SLC7A7: variants seen among roughly 807,000 people sequenced by gnomAD.
The protein encoded by SLC7A7 is Y+L amino acid transporter 1.
Under a neutral mutation model 47.9 loss-of-function variants are expected in SLC7A7, and 39 were observed. The observed-to-expected ratio is 0.81, with a 90% CI of 0.63 to 1.06. The LOEUF is 1.06. SLC7A7 is among the 50% of genes least tolerant of loss of function. The probability of loss-of-function intolerance (pLI) is 0.00; values close to 1 mark genes in which losing one functional copy is unlikely to be tolerated. For missense variants in SLC7A7, 588 were observed against 632.0 expected, an observed-to-expected ratio of 0.93 and a Z score of 0.75; for synonymous variants, 234 against 242.8, an observed-to-expected ratio of 0.96 and a Z score of 0.34.
At chr14:22,808,723 T>C (rs2039253176) in intron 2 of SLC7A7, among the ~76,000 whole-genome samples, 1 of 152,244 alleles carries the variant, frequency 6.6e-6, no homozygotes, top group Admixed American at 6.5e-5. Context: ...ATTCTTAGTC[T>C]TGGTTGCCCT....
At chr14:22,779,136 C>G (rs1274426399) in intron 3 of SLC7A7, among the ~76,000 whole-genome samples, 199 bp from the exon 4 acceptor site, 1 of 152,218 alleles carries the variant, frequency 6.6e-6, no homozygotes, top group Admixed American at 6.5e-5. Context: ...TGCCCTGCAT[C>G]CTAATGACAT....
chr14:22,777,173 CG>C (rs1260413100), intron 4 of SLC7A7, among the ~76,000 whole-genome samples: 7 of 139,656 alleles, frequency 5.0e-5, no homozygotes, highest in South Asian at 2.3e-4. Context: ...AAAAGCAGGG[CG>C]GGGGGGATTA....
chr14:22,776,035 T>G (rs2038598560), intron 5 of SLC7A7, 99 bp from the exon 6 acceptor site: 2 of 1,421,556 alleles, frequency 1.4e-6, no homozygotes, highest in Non-Finnish European at 2.0e-6. Context: ...TATTCCAACC[T>G]TTCTTCCACA....
At chr14:22,816,566 A>C (rs552842605), upstream of SLC7A7, 4 of 152,300 alleles carry the variant, frequency 2.6e-5, no homozygotes, top group African/African-American at 9.6e-5. Context: ...TCTGTTGGAC[A>C]GACAGGCCCA....
upstream of SLC7A7, among the ~76,000 whole-genome samples, chr14:22,816,732 C>T (rs2039412453): frequency 6.6e-6 from 1 of 152,156 alleles, no homozygotes; most frequent in African/African-American, 2.4e-5. Flanking sequence ...CCTATCTGTT[C>T]TAACCCTCTT....
intron 2 of SLC7A7, among the ~76,000 whole-genome samples, chr14:22,805,016 A>G (rs1367477390): frequency 3.3e-5 from 5 of 152,174 alleles, no homozygotes; most frequent in African/African-American, 4.8e-5. Flanking sequence ...TCAAAAAACA[A>G]AAAACAAACA....
chr14:22,776,442 CA>C, intron 4 of SLC7A7, 124 bp from the exon 5 acceptor site: 1 of 1,284,468 alleles, frequency 7.8e-7, no homozygotes, highest in Middle Eastern at 2.1e-4. Flanking sequence ...TACATTTCCT[CA>C]ATGCATTTGT....
At chr14:22,778,182 C>T (rs770691943) in intron 4 of SLC7A7, among the ~76,000 whole-genome samples, 31 of 152,252 alleles carry the variant, frequency 2.0e-4, no homozygotes, top group Non-Finnish European at 2.9e-4. Context: ...GAATTTAACC[C>T]CCTCAATTAC....
At chr14:22,801,564 A>ACT (rs2139437186) in intron 2 of SLC7A7, among the ~76,000 whole-genome samples, 1 of 152,130 alleles carries the variant, frequency 6.6e-6, no homozygotes, top group East Asian at 1.9e-4. Flanking sequence ...CAGGCGGATC[A>ACT]TGAGGTCAAG....
chr14:22,791,879 G>A (rs935351496), intron 2 of SLC7A7, among the ~76,000 whole-genome samples: 7 of 140,998 alleles, frequency 5.0e-5, no homozygotes, highest in Non-Finnish European at 1.5e-5. Flanking sequence ...CTGTCGCCCA[G>A]GCTGGAGTGC....
intron 2 of SLC7A7, among the ~76,000 whole-genome samples, chr14:22,791,423 G>A (rs983713823): frequency 4.6e-5 from 7 of 152,048 alleles, no homozygotes; most frequent in Non-Finnish European, 8.8e-5. Flanking sequence ...TAAACTTCAC[G>A]TCACCAGTGA....
At chr14:22,801,083 A>G (rs892922467) in intron 2 of SLC7A7, among the ~76,000 whole-genome samples, 4 of 152,196 alleles carry the variant, frequency 2.6e-5, no homozygotes, top group African/African-American at 7.2e-5. Context: ...TCTAAGCCAC[A>G]GAAATCATAA....
upstream of SLC7A7, among the ~76,000 whole-genome samples, chr14:22,818,585 T>TG (rs11453212): frequency 0.074 from 10,163 of 137,742 alleles, 434 homozygotes; most frequent in South Asian, 0.11. Flanking sequence ...GGTTTTTGGT[T>TG]TTTTTTTTTT....
At chr14:22,803,647 G>C (rs186306471) in intron 2 of SLC7A7, among the ~76,000 whole-genome samples, 94 of 152,332 alleles carry the variant, frequency 6.2e-4, no homozygotes, top group African/African-American at 2.1e-3. Flanking sequence ...AGCTGGAGCA[G>C]ACAAAGTGAG....
In SLC7A7 at chr14:22,809,721, C is replaced by T. The variant is rs138167038; in HGVS notation, c.499+3179G>A. Among the ~76,000 whole-genome samples the T allele has an allele frequency of 2.4e-3, 367 of 152,098 alleles. 2 individuals carry two copies. Among genetic ancestry groups the T allele is most frequent in the African/African-American group, 8.6e-3 (356 of 41,488 alleles). ...AAAGTGCTAGGATTACAGGCATGAG[C>T]GACTGCACCCGGCCTTTGCATGTAT... On this transcript the variant is annotated intron_variant, in intron 2 of 9. Coordinates refer to ENST00000674313, the MANE Select transcript of SLC7A7 (RefSeq NM_003982.4).
chr14:22,799,949 C>T (rs1459200231), intron 2 of SLC7A7, among the ~76,000 whole-genome samples: 1 of 152,184 alleles, frequency 6.6e-6, no homozygotes, highest in Non-Finnish European at 1.5e-5. Context: ...GTTCCCCATA[C>T]AAGTAACTGG....
At chr14:22,810,255 C>G (rs1049064829) in intron 2 of SLC7A7, among the ~76,000 whole-genome samples, 85 of 149,878 alleles carry the variant, frequency 5.7e-4, no homozygotes, top group Admixed American at 1.9e-3. Context: ...ACCTGAGGTC[C>G]GGAGTTCGAG....
Position 22,773,583 on chromosome 14 carries a change from T to G in SLC7A7, c.*27A>C. 6.3e-7 allele frequency: 1 copy of G among 1,591,626 alleles called. No individual in the cohort carries two copies. Among genetic ancestry groups the G allele is most frequent in the Non-Finnish European group, 8.6e-7 (1 of 1,159,336 alleles). On this transcript the variant is annotated 3_prime_UTR_variant, in exon 10 of 10. Transcript: ENST00000674313. ...TAGCCAGTAGACCAGAAACCCCTGCTTTCCACATCAGGATTCCAGATGGTG... is the reference window on the plus strand; with the variant it reads ...TAGCCAGTAGACCAGAAACCCCTGCGTTCCACATCAGGATTCCAGATGGTG...
At chr14:22,783,514 C>T (rs2038758594) in intron 2 of SLC7A7, among the ~76,000 whole-genome samples, 1 of 151,940 alleles carries the variant, frequency 6.6e-6, no homozygotes. Flanking sequence ...GGTTCTCCTG[C>T]CTCAGCCTCC....
Sources: gnomAD v4.1 joint callset for allele counts (sites outside exome capture counted in the v4.1 genomes callset) on GRCh38, gnomAD v4.1.1 for gene constraint, MANE v1.5 for transcripts, NCBI Gene and HGNC (gene_info 2026-07-23, HGNC 2026-07-21) for gene names.